Variants in ZNF407 observed in about 807,000 individuals in gnomAD.
ZNF407 encodes zinc finger protein 407.
A neutral mutation model predicts 131.2 loss-of-function variants in ZNF407; 17 were observed. The ratio of observed to expected loss-of-function variants is 0.13; its 90% CI spans 0.09 to 0.19. The LOEUF (loss-of-function observed/expected upper bound fraction) is 0.19. ZNF407 is among the 10% of genes least tolerant of loss of function. The pLI, the probability that ZNF407 is intolerant of heterozygous loss-of-function variation, is 1.00. For missense variants in ZNF407, 2,681 were observed against 2,830.6 expected (o/e 0.95, Z 1.20); for synonymous variants, 1,156 against 1,062.0 (o/e 1.09, Z -1.72).
intron 3 of ZNF407, among the ~76,000 whole-genome samples, chr18:74,773,861 A>G (rs142886855): frequency 8.2e-4 from 125 of 152,308 alleles, no homozygotes; most frequent in African/African-American, 2.7e-3. Context: ...CTTAGACTCC[A>G]TGATACTCCA....
chr18:74,608,727 A>C (rs758440935), intron 1 of ZNF407, among the ~76,000 whole-genome samples: 14 of 152,114 alleles, frequency 9.2e-5, no homozygotes, highest in Non-Finnish European at 1.3e-4. Flanking sequence ...AATGTCCCTC[A>C]GTTTGGATTT....
chr18:74,872,017 G>A (rs958210520), intron 4 of ZNF407, among the ~76,000 whole-genome samples: 9 of 151,836 alleles, frequency 5.9e-5, no homozygotes, highest in African/African-American at 1.7e-4. Context: ...CTACAGTTAC[G>A]TGCCACCATG....
intron 4 of ZNF407, among the ~76,000 whole-genome samples, chr18:74,876,687 C>T (rs1160801741): frequency 6.6e-6 from 1 of 152,066 alleles, no homozygotes; most frequent in East Asian, 1.9e-4. Flanking sequence ...CCCACATGGT[C>T]ACACAGAAGG....
chr18:74,984,607 T>G (rs1972631231), intron 8 of ZNF407, among the ~76,000 whole-genome samples: 1 of 152,248 alleles, frequency 6.6e-6, no homozygotes. Context: ...AATAAATGGA[T>G]GTTAATAACC....
At chr18:74,616,061 G>A (rs930534148) in intron 1 of ZNF407, among the ~76,000 whole-genome samples, 4 of 152,146 alleles carry the variant, frequency 2.6e-5, no homozygotes, top group African/African-American at 9.7e-5. Context: ...ACATTTTAAT[G>A]GGACAGGAGG....
At chr18:74,839,630 A>G (rs1365494964) in intron 4 of ZNF407, among the ~76,000 whole-genome samples, 6 of 152,206 alleles carry the variant, frequency 3.9e-5, no homozygotes, top group East Asian at 3.8e-4. Flanking sequence ...ACTTGGGACT[A>G]TAGCCTCTCC....
chr18:74,796,685 T>C (rs1442987638), intron 4 of ZNF407, among the ~76,000 whole-genome samples: 1 of 152,144 alleles, frequency 6.6e-6, no homozygotes, highest in Non-Finnish European at 1.5e-5. Flanking sequence ...AAATTGTTTT[T>C]AAATTCAGCA....
intron 3 of ZNF407, among the ~76,000 whole-genome samples, chr18:74,755,466 T>C (rs1968908640): frequency 6.6e-6 from 1 of 152,192 alleles, no homozygotes; most frequent in Non-Finnish European, 1.5e-5. Context: ...CTTGTCACAA[T>C]GAATTGATCA....
chr18:74,981,778 T>C (rs970532456), intron 8 of ZNF407, among the ~76,000 whole-genome samples: 3 of 152,344 alleles, frequency 2.0e-5, no homozygotes, highest in Admixed American at 2.0e-4. Flanking sequence ...AAATGTGGAT[T>C]GTTTTCCAGT....
intron 4 of ZNF407, among the ~76,000 whole-genome samples, chr18:74,839,787 T>C (rs990975481): frequency 6.6e-6 from 1 of 152,088 alleles, no homozygotes; most frequent in Non-Finnish European, 1.5e-5. Flanking sequence ...TATGAAGATT[T>C]TACCAAGAGA....
chr18:74,707,149 C>T (rs1967645956), intron 3 of ZNF407, among the ~76,000 whole-genome samples: 1 of 152,022 alleles, frequency 6.6e-6, no homozygotes, highest in East Asian at 1.9e-4. Flanking sequence ...CAAGGTTTTA[C>T]CATGTTGGTC....
rs756093139 is a variant in ZNF407, at chr18:75,064,407, G to C, written c.6686G>C (p.Gly2229Ala). Residue 2229 changes from glycine (G) to alanine (A), a missense_variant, in exon 9 of 9, where the codon GGC becomes GCC. By Grantham distance (60) the Gly-to-Ala change is moderately conservative. Transcript: ENST00000299687. ...AGCGTGGTCATCTACACCCAGGAGG[G>C]CTCCTCGGCCGCGGCGGCAATTCAG... Reference protein sequence around the residue: ...LASVVIYTQEGSSAAAAIQSQ... With the variant: ...LASVVIYTQEASSAAAAIQSQ... 1.4e-5 allele frequency: 22 copies of C among 1,539,566 alleles called. No homozygotes were observed. Among genetic ancestry groups the C allele is most frequent in the Admixed American group, 4.3e-5 (2 of 46,744 alleles).
At chr18:74,944,839 G>A (rs569936679) in intron 8 of ZNF407, among the ~76,000 whole-genome samples, 60 of 152,286 alleles carry the variant, frequency 3.9e-4, no homozygotes, top group African/African-American at 1.3e-3. Flanking sequence ...TGAGTGCCAC[G>A]TCACTATTCA....
chr18:74,965,835 T>G (rs1382211165), intron 8 of ZNF407, among the ~76,000 whole-genome samples: 1 of 152,228 alleles, frequency 6.6e-6, no homozygotes, highest in Non-Finnish European at 1.5e-5. Context: ...GCTTGCCTTT[T>G]GAATATAAGC....
intron 8 of ZNF407, among the ~76,000 whole-genome samples, chr18:74,986,007 AG>A (rs1231096710): frequency 2.0e-5 from 3 of 152,212 alleles, no homozygotes; most frequent in Non-Finnish European, 4.4e-5. Flanking sequence ...AATACTTATG[AG>A]GATGGAATAT....
chr18:74,879,572 A>G (rs1971210401), intron 5 of ZNF407, among the ~76,000 whole-genome samples: 1 of 152,208 alleles, frequency 6.6e-6, no homozygotes, highest in Non-Finnish European at 1.5e-5. Flanking sequence ...AATTGATTAA[A>G]TAATTAAATG....
chr18:74,760,873 G>T (rs887475453), intron 3 of ZNF407, among the ~76,000 whole-genome samples: 2 of 152,140 alleles, frequency 1.3e-5, no homozygotes, highest in Admixed American at 1.3e-4. Context: ...AAAGCTTATT[G>T]TTGAGTTGGT....
chr18:74,694,985 G>T (rs1366774462), intron 3 of ZNF407, among the ~76,000 whole-genome samples: 1 of 152,094 alleles, frequency 6.6e-6, no homozygotes, highest in Non-Finnish European at 1.5e-5. Context: ...CTTTAGAGGG[G>T]ATAAACCTGA....
In ZNF407 at chr18:75,063,815, G is replaced by T. The variant is rs201788934; in HGVS notation, c.6094G>T (p.Ala2032Ser). 1 of 1,607,712 alleles carries T rather than the reference G, an allele frequency of 6.2e-7. No individual in the cohort carries two copies. The highest frequency in any genetic ancestry group is 1.7e-5 in the Admixed American group (1 of 59,996). ...QLPGQEVSHVAADPEAPEIQM... is the reference protein window; with the variant it reads ...QLPGQEVSHVSADPEAPEIQM... ...GCCCGGGCAGGAGGTCTCCCATGTG[G>T]CTGCCGACCCCGAGGCCCCCGAGAT... Residue 2032 changes from alanine (A) to serine (S), a missense_variant, in exon 9 of 9, where the codon GCT (alanine) becomes TCT (serine). Physicochemically the swap from Ala to Ser is moderately conservative, Grantham distance 99. This residue lies in a region of ZNF407 where 620 missense variants were observed against 583.1 expected (regional missense o/e 1.06). Transcript: ENST00000299687. This position sits in a 1 kb window ranked among gnomAD's most constrained non-coding sequence, Gnocchi z 6.6.
Sources: allele counts gnomAD v4.1 joint callset (sites outside exome capture counted in the v4.1 genomes callset), GRCh38; gene constraint gnomAD v4.1.1; regional missense constraint gnomAD v4.1.1; non-coding constraint Gnocchi (gnomAD v3.1); transcripts MANE v1.5; gene names NCBI Gene and HGNC (gene_info 2026-07-23, HGNC 2026-07-21).